CALN1: variants seen among roughly 807,000 people sequenced by gnomAD.
CALN1 encodes the protein calcium-binding protein 8.
Under a neutral mutation model 30.6 loss-of-function variants are expected in CALN1, and 17 were observed. That is an observed-to-expected ratio of 0.56 (90% CI 0.38 to 0.83). The LOEUF (loss-of-function observed/expected upper bound fraction) is 0.83. Ranked by LOEUF, CALN1 falls within the 40% of genes least tolerant of loss-of-function variation. The pLI, the probability that CALN1 is intolerant of heterozygous loss-of-function variation, is 0.00. For synonymous variants in CALN1, 156 were observed against 131.4 expected, an observed-to-expected ratio of 1.19 and a Z score of -1.28; for missense variants, 291 against 354.9, an observed-to-expected ratio of 0.82 and a Z score of 1.45.
chr7:71,917,161 A>G (rs1375555444), intron 5 of CALN1, among the ~76,000 whole-genome samples: 1 of 152,176 alleles, frequency 6.6e-6, no homozygotes, highest in Non-Finnish European at 1.5e-5. Context: ...CTTCCAGGAG[A>G]TTTCACTGGA....
intron 5 of CALN1, among the ~76,000 whole-genome samples, chr7:71,951,839 C>T (rs2129524143): frequency 6.6e-6 from 1 of 152,240 alleles, no homozygotes; most frequent in East Asian, 1.9e-4. Flanking sequence ...AAATCAAAGT[C>T]TTTGACTTTG....
At chr7:72,022,920 T>TAA (rs3065006) in intron 5 of CALN1, among the ~76,000 whole-genome samples, 3 of 125,794 alleles carry the variant, frequency 2.4e-5, no homozygotes, top group Admixed American at 8.3e-5. Context: ...TAAATAAAAT[T>TAA]AAAAAAAAAA....
chr7:72,022,497 A>C (rs141244336), intron 5 of CALN1, among the ~76,000 whole-genome samples: 9 of 152,210 alleles, frequency 5.9e-5, no homozygotes, highest in Non-Finnish European at 1.0e-4. Context: ...GGCTCAAGCG[A>C]TCTTCCTCCC....
chr7:72,367,122 G>A (rs1344914675), intron 2 of CALN1, among the ~76,000 whole-genome samples: 2 of 151,972 alleles, frequency 1.3e-5, no homozygotes, highest in Non-Finnish European at 2.9e-5. Flanking sequence ...AAAAAAACAG[G>A]CAAAAGAAAC....
chr7:71,862,858 C>G (rs1045639275), intron 5 of CALN1, among the ~76,000 whole-genome samples: 1 of 152,164 alleles, frequency 6.6e-6, no homozygotes, highest in Admixed American at 6.5e-5. Context: ...AGACAGGGCG[C>G]CCTCCAGTTC....
intron 4 of CALN1, among the ~76,000 whole-genome samples, chr7:72,060,730 C>T (rs540314970): frequency 5.9e-5 from 9 of 152,176 alleles, no homozygotes; most frequent in African/African-American, 1.9e-4. Context: ...AGTGAGTTCA[C>T]GCAAGATCTG....
chr7:72,143,891 G>A (rs998313109), intron 3 of CALN1, among the ~76,000 whole-genome samples: 1 of 152,136 alleles, frequency 6.6e-6, no homozygotes, highest in Non-Finnish European at 1.5e-5. Flanking sequence ...CATAAGTGAA[G>A]GAGAAATAAA....
chr7:72,357,636 G>T (rs1282675395), intron 2 of CALN1, among the ~76,000 whole-genome samples: 17 of 151,352 alleles, frequency 1.1e-4, no homozygotes, highest in Admixed American at 1.1e-3. Context: ...ACAAAAGCGA[G>T]GCCCAGACAA....
chr7:72,049,355 T>A (rs1253026925), intron 4 of CALN1, among the ~76,000 whole-genome samples: 1 of 152,140 alleles, frequency 6.6e-6, no homozygotes, highest in Admixed American at 6.5e-5. Context: ...GGTATAGTAA[T>A]GAGACATTTT....
At chr7:71,990,022 A>T (rs928634628) in intron 5 of CALN1, among the ~76,000 whole-genome samples, 1 of 152,074 alleles carries the variant, frequency 6.6e-6, no homozygotes, top group African/African-American at 2.4e-5. Context: ...TGAGGCTGAG[A>T]CCTACTGGGC....
chr7:72,102,721 T>C (rs546420037), intron 4 of CALN1, among the ~76,000 whole-genome samples: 48 of 151,988 alleles, frequency 3.2e-4, no homozygotes, highest in African/African-American at 1.2e-3. Flanking sequence ...AGACAGAAAA[T>C]AGAGAAGTGC....
chr7:72,396,133 C>CAA (rs1318782338), intron 2 of CALN1, among the ~76,000 whole-genome samples: 1 of 149,122 alleles, frequency 6.7e-6, no homozygotes, highest in Non-Finnish European at 1.5e-5. Context: ...CACAGTGTCT[C>CAA]AAGCCTGTAA....
At chr7:72,453,482 T>A in the CALN1 span, among the ~76,000 whole-genome samples, 1 of 152,224 alleles carries the variant, frequency 6.6e-6, no homozygotes, top group Non-Finnish European at 1.5e-5. Flanking sequence ...TAAACAGTCA[T>A]GATGCTGGTG....
At chr7:72,175,100 G>C (rs940272169) in intron 3 of CALN1, among the ~76,000 whole-genome samples, 1 of 151,032 alleles carries the variant, frequency 6.6e-6, no homozygotes, top group African/African-American at 2.4e-5. Context: ...TTGAGACAGA[G>C]TCTCACTCTG....
At chr7:72,336,877 C>T (rs1429665701) in intron 2 of CALN1, 1 of 985,062 alleles carries the variant, frequency 1.0e-6, no homozygotes, top group Admixed American at 6.2e-5. Context: ...TGCCGGCATC[C>T]TCGCTGCCGC....
At chr7:72,288,298 T>G (rs534065997) in intron 2 of CALN1, among the ~76,000 whole-genome samples, 1 of 152,294 alleles carries the variant, frequency 6.6e-6, no homozygotes, top group East Asian at 1.9e-4. Flanking sequence ...AGGTCTCACT[T>G]TCTTGTGGGT....
intron 1 of CALN1, among the ~76,000 whole-genome samples, chr7:72,407,134 G>A (rs960060299): frequency 6.6e-6 from 1 of 152,162 alleles, no homozygotes; most frequent in Non-Finnish European, 1.5e-5. Flanking sequence ...AAGTAATATT[G>A]TTAAGAACAT....
At chr7:71,973,841 G>A (rs1289703865) in intron 5 of CALN1, among the ~76,000 whole-genome samples, 1 of 152,140 alleles carries the variant, frequency 6.6e-6, no homozygotes, top group South Asian at 2.1e-4. Context: ...AGACTTTGGC[G>A]TTTTAATTGA....
chr7:72,405,473 T>C (rs1191089113), intron 1 of CALN1, among the ~76,000 whole-genome samples: 4 of 152,148 alleles, frequency 2.6e-5, no homozygotes, highest in Non-Finnish European at 5.9e-5. Flanking sequence ...CTGAGACATA[T>C]GCCCAGGAGC....
Sources: gnomAD v4.1 joint callset for allele counts (sites outside exome capture counted in the v4.1 genomes callset) on GRCh38, gnomAD v4.1.1 for gene constraint, MANE v1.5 for transcripts, NCBI Gene and HGNC (gene_info 2026-07-23, HGNC 2026-07-21) for gene names.